KDM2B: variants seen among roughly 807,000 people sequenced by gnomAD.
KDM2B encodes the protein lysine-specific demethylase 2B.
In KDM2B, 26 loss-of-function variants were observed where a neutral mutation model predicts 150.0. The ratio of observed to expected loss-of-function variants is 0.17; its 90% CI spans 0.13 to 0.24. The LOEUF is 0.24. Ranked by LOEUF, KDM2B falls within the 10% of genes least tolerant of loss-of-function variation. The pLI, the probability that KDM2B is intolerant of heterozygous loss-of-function variation, is 1.00. For missense variants in KDM2B, 1,265 were observed against 1,816.9 expected (o/e 0.70, Z 5.52); for synonymous variants, 734 against 729.5 (o/e 1.01, Z -0.10).
rs1264376257 is a variant in KDM2B at position 121,443,849 on chromosome 12, T to A, written c.2452-56A>T. ...ACTCGCTGGTTTTCCCCTCCTTTCT[T>A]TGGGGCAGGGCTCTCAGGACTTAGG... On this transcript the variant is annotated intron_variant, in intron 16 of 22. Transcript: ENST00000377071. 8.6e-6 allele frequency: 12 copies of A among 1,402,164 alleles called. No homozygotes were observed. In the Admixed American group the frequency reaches 1.3e-4, roughly 15 times the overall value. The allele number at this position is 1,402,164 out of a possible 1,614,324, so 86.9% of individuals were successfully genotyped here.
At chr12:121,463,942 T>C (rs1593837295) in intron 12 of KDM2B, among the ~76,000 whole-genome samples, 1 of 150,078 alleles carries the variant, frequency 6.7e-6, no homozygotes, top group Admixed American at 6.6e-5. Context: ...AAAAAAAAAC[T>C]GGCCAGGCGC....
At chr12:121,449,419 TCAGGC>T (rs1466864318) in intron 13 of KDM2B, among the ~76,000 whole-genome samples, 1 of 151,768 alleles carries the variant, frequency 6.6e-6, no homozygotes, top group Non-Finnish European at 1.5e-5. Context: ...ACCCCAAGGG[TCAGGC>T]CAAGCCTGCA....
intron 17 of KDM2B, chr12:121,443,363 G>A (rs782516702): frequency 8.7e-6 from 5 of 576,394 alleles, no homozygotes; most frequent in Non-Finnish European, 1.2e-5. Flanking sequence ...CCCCGGCCCA[G>A]CAGGAATGGC....
chr12:121,420,258 C>G, the KDM2B span: 1 of 1,606,962 alleles, frequency 6.2e-7, no homozygotes, highest in South Asian at 1.1e-5. Flanking sequence ...AGTGAAATCA[C>G]TTCAGCAAAC....
At chr12:121,560,789 T>G (rs1273209834) in intron 4 of KDM2B, among the ~76,000 whole-genome samples, 3 of 152,044 alleles carry the variant, frequency 2.0e-5, no homozygotes, top group Admixed American at 6.6e-5. Flanking sequence ...AGCAAGAGGT[T>G]TGGCACCGGG....
intron 4 of KDM2B, among the ~76,000 whole-genome samples, chr12:121,571,939 C>A (rs1430044860): frequency 6.6e-6 from 1 of 152,144 alleles, no homozygotes; most frequent in Non-Finnish European, 1.5e-5. Flanking sequence ...GCATGAGCCA[C>A]GGCGCCCAGC....
At chr12:121,534,698 G>T in intron 6 of KDM2B, 108 bp from the exon 7 acceptor site, 1 of 753,454 alleles carries the variant, frequency 1.3e-6, no homozygotes, top group Non-Finnish European at 2.2e-6. Context: ...AAACGCTGAC[G>T]CTGGGGAATT....
chr12:121,572,586 C>T (rs1351963479), intron 4 of KDM2B, among the ~76,000 whole-genome samples: 2 of 152,204 alleles, frequency 1.3e-5, no homozygotes, highest in African/African-American at 4.8e-5. Flanking sequence ...AATGAAGCCC[C>T]ACCACGTGCC....
upstream of KDM2B, among the ~76,000 whole-genome samples, chr12:121,581,867 C>A (rs569302545): frequency 1.3e-5 from 2 of 152,328 alleles, no homozygotes; most frequent in East Asian, 3.9e-4. Flanking sequence ...TCCTAAGAGA[C>A]AGCTTCCCCC....
rs536866544 is a variant in KDM2B, at chr12:121,477,672, G to A, written c.1734+16907C>T. On this transcript the variant is annotated intron_variant, in intron 12 of 22. Transcript: ENST00000377071. ...GGTTCACTGCAACTTCTGCCTCCCG[G>A]GTTCAAGCGATTCTTGTGCCTCAGC... 2.0e-5 allele frequency among the ~76,000 whole-genome samples: 3 copies of A among 150,892 alleles called. No homozygotes were observed. In the South Asian group the frequency reaches 6.3e-4, roughly 32 times the overall value.
rs1877559013 is a variant in KDM2B at position 121,452,979 on chromosome 12, C to G, written c.1959+141G>C. 1.3e-6 allele frequency: 1 copy of G among 770,000 alleles called. No individual in the cohort carries two copies. The highest frequency in any genetic ancestry group is 1.9e-5 in the South Asian group (1 of 52,878). The allele number at this position is 770,000 out of a possible 1,614,324, so 47.7% of individuals were successfully genotyped here. A position where few individuals can be genotyped will look rare whatever the true frequency, so the allele number is the denominator to read the frequency against. ...TGCGAAGCGGCCAGCGCCTTCCCGT[C>G]CACAGGAAGAGCTCTCGGGGAGTCC... On this transcript the variant is annotated intron_variant, in intron 13 of 22. Coordinates refer to ENST00000377071, the MANE Select transcript of KDM2B (RefSeq NM_032590.5). The surrounding 1 kb of genome is among the most constrained non-coding windows in gnomAD (Gnocchi z 4.4).
chr12:121,466,573 GC>G (rs1879975233), intron 12 of KDM2B, among the ~76,000 whole-genome samples: 1 of 151,754 alleles, frequency 6.6e-6, no homozygotes, highest in African/African-American at 2.4e-5. Flanking sequence ...GCCCGCGCCG[GC>G]CCGCGGCTCG....
intron 4 of KDM2B, among the ~76,000 whole-genome samples, chr12:121,559,533 C>T (rs868950826): frequency 2.0e-5 from 3 of 152,058 alleles, no homozygotes; most frequent in Admixed American, 6.6e-5. Flanking sequence ...CAGAGTGGCA[C>T]GGTGATAGCA....
intron 9 of KDM2B, among the ~76,000 whole-genome samples, chr12:121,517,405 C>T (rs1210414588): frequency 2.6e-5 from 4 of 151,894 alleles, no homozygotes; most frequent in African/African-American, 9.7e-5. Flanking sequence ...TCCTAGGGAA[C>T]CCTGGGGTTC....
intron 8 of KDM2B, among the ~76,000 whole-genome samples, chr12:121,523,378 G>A (rs1594042891): frequency 1.3e-5 from 2 of 152,254 alleles, no homozygotes; most frequent in Admixed American, 1.3e-4. Context: ...GTGCAGCAGA[G>A]GGAAGGGTGG....
intron 4 of KDM2B, among the ~76,000 whole-genome samples, chr12:121,563,210 GAGGCTGAGGCAGCAAGATCACTTGA>G (rs1309885320): frequency 6.6e-6 from 1 of 152,154 alleles, no homozygotes; most frequent in Non-Finnish European, 1.5e-5. Context: ...AGCTACTAGG[GAGGCTGAGGCAGCAAGATCACTTGA>G]ACCCAGGAGG....
At chr12:121,553,600 A>T (rs1306097047) in intron 4 of KDM2B, among the ~76,000 whole-genome samples, 1 of 152,156 alleles carries the variant, frequency 6.6e-6, no homozygotes, top group Admixed American at 6.5e-5. Context: ...CTGTCCTGAG[A>T]CATAACTGAG....
chr12:121,440,096 G>C (rs1555287838), intron 21 of KDM2B, 21 bp from the exon 22 acceptor site: 2 of 1,569,178 alleles, frequency 1.3e-6, no homozygotes, highest in South Asian at 2.3e-5. Flanking sequence ...AGGAAGGAGG[G>C]GGCAACCCGT....
intron 22 of KDM2B, among the ~76,000 whole-genome samples, chr12:121,437,749 T>C (rs1486802579): frequency 2.6e-5 from 4 of 152,168 alleles, no homozygotes; most frequent in Non-Finnish European, 4.4e-5. Flanking sequence ...GACCAGATCC[T>C]CCAACCAAGT....
Sources: allele counts gnomAD v4.1 joint callset (sites outside exome capture counted in the v4.1 genomes callset), GRCh38; gene constraint gnomAD v4.1.1; non-coding constraint Gnocchi (gnomAD v3.1); transcripts MANE v1.5; gene names NCBI Gene and HGNC (gene_info 2026-07-23, HGNC 2026-07-21).